NUP210: variants seen among roughly 807,000 people sequenced by gnomAD.
The protein encoded by NUP210 is nuclear pore membrane glycoprotein 210.
In NUP210, 151 loss-of-function variants were observed where a neutral mutation model predicts 196.0. The observed-to-expected ratio is 0.77, with a 90% CI of 0.67 to 0.88. The LOEUF (loss-of-function observed/expected upper bound fraction) is 0.88. Among genes scored for constraint, NUP210 ranks in the 40% least tolerant of loss-of-function variants. The pLI is 0.00. For synonymous variants in NUP210, 1,070 were observed against 1,052.7 expected (o/e 1.02, Z -0.32); for missense variants, 2,314 against 2,493.7 (o/e 0.93, Z 1.53).
chr3:13,376,753 G>C (rs1698924589), intron 9 of NUP210, among the ~76,000 whole-genome samples: 1 of 152,134 alleles, frequency 6.6e-6, no homozygotes, highest in African/African-American at 2.4e-5. Flanking sequence ...ACAAAAAAAA[G>C]GACATCACGT....
intron 5 of NUP210, 40 bp downstream of exon 5, chr3:13,388,263 C>T: frequency 1.3e-6 from 2 of 1,540,232 alleles, no homozygotes; most frequent in Non-Finnish European, 1.8e-6. Context: ...CCTGATTCCA[C>T]CCCAGGAAGC....
intron 13 of NUP210, 151 bp from the exon 14 acceptor site, chr3:13,366,242 C>T (rs781273915): frequency 5.7e-6 from 4 of 701,958 alleles, no homozygotes; most frequent in Middle Eastern, 8.2e-4. Flanking sequence ...GATTCTCCTG[C>T]CTCAGCCTCC....
chr3:13,418,948 CAAAAAAAAAAA>C (rs112826426), intron 1 of NUP210, among the ~76,000 whole-genome samples: 900 of 52,550 alleles, frequency 0.017, 30 homozygotes, highest in African/African-American at 0.041. Flanking sequence ...AACTCCGTCT[CAAAAAAAAAAA>C]AAAAAAAAAA....
rs1241484814 is a variant in NUP210, at chr3:13,376,320, C to T, written c.1264G>A (p.Asp422Asn). Reference sequence around the variant, plus strand: ...TCCACCACAGAGGTGAGGGCCGCGTCAATGGCCGTCTGTCCCCTCTTTAGT... The same window carrying T: ...TCCACCACAGAGGTGAGGGCCGCGTTAATGGCCGTCTGTCCCCTCTTTAGT... ...RALKRGQTAI[D>N]AALTSVVDQD... Residue 422 changes from aspartate to asparagine, a missense_variant, in exon 10 of 40, where the codon GAC becomes AAC. Asp to Asn is a conservative substitution (Grantham distance 23). Transcript: ENST00000254508. 1.2e-5 allele frequency: 19 copies of T among 1,614,006 alleles called. No homozygotes were observed. The highest frequency in any genetic ancestry group is 1.6e-5 in the Non-Finnish European group (19 of 1,180,052).
chr3:13,342,223 C>T, intron 21 of NUP210, 100 bp from the exon 22 acceptor site: 1 of 1,441,926 alleles, frequency 6.9e-7, no homozygotes, highest in Non-Finnish European at 9.5e-7. Flanking sequence ...CTAACCTCAA[C>T]CCACAGACCT....
At position 13,325,822 on chromosome 3, in the gene NUP210, G is replaced by C; in HGVS notation, c.4617C>G (p.Val1539=). ...CCTTGTAGGTCCTCAGGTGCCCAGCGACCTCATAGTAAACCGTCACGGATC... is the reference window on the plus strand; with the variant it reads ...CCTTGTAGGTCCTCAGGTGCCCAGCCACCTCATAGTAAACCGTCACGGATC... The part of the protein sequence containing the change: ...AVGSVTVYYE[V]AGHLRTYKEV... The change falls in exon 33 of 40, where the codon GTC becomes GTG. Residue 1539 remains valine (V), a synonymous_variant. Transcript: ENST00000254508. 1.9e-6 allele frequency: 3 copies of C among 1,613,860 alleles called. No homozygotes were observed. The highest frequency in any genetic ancestry group is 2.5e-6 in the Non-Finnish European group (3 of 1,180,018).
At chr3:13,393,722 T>G (rs996377432) in intron 3 of NUP210, among the ~76,000 whole-genome samples, 2 of 152,212 alleles carry the variant, frequency 1.3e-5, no homozygotes, top group African/African-American at 4.8e-5. Flanking sequence ...GGGAAAGCTC[T>G]CAATAAATCT....
intron 18 of NUP210, 67 bp from the exon 19 acceptor site, chr3:13,352,251 GGCCCAAAA>G: frequency 1.6e-6 from 2 of 1,237,512 alleles, no homozygotes; most frequent in Non-Finnish European, 1.2e-6. Context: ...GGGAAGAACA[GGCCCAAAA>G]GCCCTAGGGC....
chr3:13,337,809 G>C (rs2449078), intron 26 of NUP210, 28 bp downstream of exon 26: 5 of 1,592,634 alleles, frequency 3.1e-6, no homozygotes, highest in Non-Finnish European at 2.6e-6. Flanking sequence ...TCGGGAACCA[G>C]GATTCAGAGC....
chr3:13,419,976 C>G (rs1700477586), intron 1 of NUP210, 84 bp downstream of exon 1: 4 of 938,482 alleles, frequency 4.3e-6, no homozygotes, highest in Non-Finnish European at 5.2e-6. Flanking sequence ...CCGGCTCTGC[C>G]GGCCTCCCGG....
chr3:13,414,671 G>A (rs548498796), intron 1 of NUP210, among the ~76,000 whole-genome samples: 4 of 151,746 alleles, frequency 2.6e-5, no homozygotes, highest in African/African-American at 7.3e-5. Context: ...TCTCTCCTCC[G>A]GCCCTTTGCA....
rs1408920604 is a variant in NUP210 at position 13,379,049 on chromosome 3, G to T, written c.977-69C>A. On this transcript the variant is annotated intron_variant, in intron 7 of 39. Coordinates refer to ENST00000254508, the MANE Select transcript of NUP210 (RefSeq NM_024923.4). This position sits in a 1 kb window ranked among gnomAD's most constrained non-coding sequence, Gnocchi z 4.2. Reference sequence around the variant, plus strand: ...CCAGCTGGCTGGCCAGTTTCAGCTTGGCTCAGAATCCTGATCATCAAGACA... The same window carrying T: ...CCAGCTGGCTGGCCAGTTTCAGCTTTGCTCAGAATCCTGATCATCAAGACA... 29 of 1,314,860 alleles carry T rather than the reference G, an allele frequency of 2.2e-5. No homozygotes were observed. Among genetic ancestry groups the T allele is most frequent in the Non-Finnish European group, 3.2e-5 (29 of 908,236 alleles). The allele number at this position is 1,314,860 out of a possible 1,614,324, so 81.4% of individuals were successfully genotyped here.
rs144219707 is a variant in NUP210, at chr3:13,380,269, T to G, written c.818-548A>C. ...GATGGAGAAGAGTTTCCCCGAGAAG[T>G]AAGAGTTCTATAAAGTGAGCAACAT... On this transcript the variant is annotated intron_variant, in intron 6 of 39. Coordinates refer to ENST00000254508, the MANE Select transcript of NUP210 (RefSeq NM_024923.4). Among the ~76,000 whole-genome samples the G allele has an allele frequency of 1.1e-4, 17 of 152,054 alleles. No homozygotes were observed. In the East Asian group the frequency reaches 3.1e-3, roughly 28 times the overall value.
Position 13,379,548 on chromosome 3 carries a change from C to T in NUP210, c.976+15G>A. On this transcript the variant is annotated intron_variant, in intron 7 of 39. Transcript: ENST00000254508. This position sits in a 1 kb window ranked among gnomAD's most constrained non-coding sequence, Gnocchi z 4.2. Reference sequence around the variant, plus strand: ...CCGCCATGCCTAAGAACACACAAGCCCAAGAAAAGGATATTCCTGTGGCCA... The same window carrying T: ...CCGCCATGCCTAAGAACACACAAGCTCAAGAAAAGGATATTCCTGTGGCCA... 2 of 1,614,020 alleles carry T rather than the reference C, an allele frequency of 1.2e-6. No homozygotes were observed. The highest frequency in any genetic ancestry group is 1.7e-6 in the Non-Finnish European group (2 of 1,180,002).
At chr3:13,358,074 G>A (rs928082860) in intron 16 of NUP210, 148 bp downstream of exon 16, 10 of 648,628 alleles carry the variant, frequency 1.5e-5, no homozygotes, top group Middle Eastern at 4.4e-4. Context: ...TGAAACCAGC[G>A]TCCTCACAGG....
chr3:13,416,329 TC>T (rs1700347385), intron 1 of NUP210, among the ~76,000 whole-genome samples: 1 of 152,104 alleles, frequency 6.6e-6, no homozygotes, highest in East Asian at 1.9e-4. Context: ...CAGGTCCACA[TC>T]CCCTCCCCAC....
In NUP210 at chr3:13,347,524, C is replaced by A. The variant is rs1200855510; in HGVS notation, c.2836-4221G>T. On this transcript the variant is annotated intron_variant, in intron 20 of 39. Transcript: ENST00000254508. This position sits in a 1 kb window ranked among gnomAD's most constrained non-coding sequence, Gnocchi z 4.7. Reference sequence around the variant, plus strand: ...AAATTCATCACGGCCCTGCACAGTCCATGTCCACTGTGTGGGGATAAAAAC... The same window carrying A: ...AAATTCATCACGGCCCTGCACAGTCAATGTCCACTGTGTGGGGATAAAAAC... Among the ~76,000 whole-genome samples, 2 of 152,196 alleles carry A rather than the reference C, an allele frequency of 1.3e-5. No homozygotes were observed. Among genetic ancestry groups the A allele is most frequent in the Non-Finnish European group, 2.9e-5 (2 of 68,032 alleles).
At chr3:13,374,107 C>A (rs768050959) in intron 11 of NUP210, among the ~76,000 whole-genome samples, 28 of 152,260 alleles carry the variant, frequency 1.8e-4, no homozygotes, top group Middle Eastern at 6.8e-3. Flanking sequence ...CTCACATCCA[C>A]AGTGCACACC....
In NUP210 at chr3:13,403,112, C is replaced by A. The variant is rs552481658; in HGVS notation, c.168-3251G>T. Among the ~76,000 whole-genome samples the A allele has an allele frequency of 3.3e-5, 5 of 152,268 alleles. No homozygotes were observed. In the East Asian group the frequency reaches 9.6e-4, roughly 29 times the overall value. ...ATTTTTAAGAAAATACGTGATTTACCCCAACATATCCTAAATATCATGCTT... is the reference window on the plus strand; with the variant it reads ...ATTTTTAAGAAAATACGTGATTTACACCAACATATCCTAAATATCATGCTT... On this transcript the variant is annotated intron_variant, in intron 1 of 39. Coordinates refer to ENST00000254508, the MANE Select transcript of NUP210 (RefSeq NM_024923.4).
Sources: allele counts gnomAD v4.1 joint callset (sites outside exome capture counted in the v4.1 genomes callset), GRCh38; gene constraint gnomAD v4.1.1; non-coding constraint Gnocchi (gnomAD v3.1); transcripts MANE v1.5; gene names NCBI Gene and HGNC (gene_info 2026-07-23, HGNC 2026-07-21).